RERG: variants seen among roughly 807,000 people sequenced by gnomAD.
RERG encodes RAS like estrogen regulated growth inhibitor.
In RERG, 25 loss-of-function variants were observed where a neutral mutation model predicts 23.2. The observed-to-expected ratio is 1.08, with a 90% CI of 0.79 to 1.50. The LOEUF is 1.50. Among genes scored for constraint, RERG ranks in the 40% most tolerant of loss-of-function variants. RERG has a pLI of 0.00. For synonymous variants in RERG, 81 were observed against 89.1 expected (o/e 0.91, Z 0.51); for missense variants, 253 against 250.1 (o/e 1.01, Z -0.08).
At chr12:15,192,409 A>G (rs1307046756) in intron 2 of RERG, among the ~76,000 whole-genome samples, 1 of 152,314 alleles carries the variant, frequency 6.6e-6, no homozygotes, top group African/African-American at 2.4e-5. Flanking sequence ...ATAGCCTAAC[A>G]CAACACCTTA....
At chr12:15,199,783 G>C (rs982375346) in intron 2 of RERG, among the ~76,000 whole-genome samples, 22 of 152,134 alleles carry the variant, frequency 1.4e-4, no homozygotes, top group Non-Finnish European at 1.3e-4. Flanking sequence ...TAGTGCCTTA[G>C]AAGTTTCGTT....
intron 2 of RERG, among the ~76,000 whole-genome samples, chr12:15,206,743 T>C (rs1865297025): frequency 6.6e-6 from 1 of 152,166 alleles, no homozygotes; most frequent in Admixed American, 6.6e-5. Context: ...GCAGCAGTGC[T>C]AAATCACATA....
chr12:15,177,278 C>T (rs1362744384), intron 2 of RERG, among the ~76,000 whole-genome samples: 10 of 152,124 alleles, frequency 6.6e-5, no homozygotes, highest in Admixed American at 6.5e-4. Flanking sequence ...CATGGCAAAA[C>T]CCTGTCTCTA....
chr12:15,195,059 G>T (rs1377096420), intron 2 of RERG, among the ~76,000 whole-genome samples: 1 of 152,090 alleles, frequency 6.6e-6, no homozygotes, highest in Admixed American at 6.6e-5. Context: ...TACCCAGAAA[G>T]CTAGAGAGCT....
At chr12:15,137,493 G>A (rs984153659) in intron 2 of RERG, among the ~76,000 whole-genome samples, 6 of 150,894 alleles carry the variant, frequency 4.0e-5, no homozygotes, top group South Asian at 4.2e-4. Flanking sequence ...TTTTACCTGC[G>A]CATTTTATTT....
intron 2 of RERG, among the ~76,000 whole-genome samples, chr12:15,178,837 G>A (rs1277484872): frequency 6.6e-6 from 1 of 152,058 alleles, no homozygotes; most frequent in African/African-American, 2.4e-5. Flanking sequence ...GATTACCCCT[G>A]TCAATATAAA....
chr12:15,122,801 T>G (rs4764167), intron 2 of RERG, among the ~76,000 whole-genome samples: 2 of 147,896 alleles, frequency 1.4e-5, no homozygotes, highest in African/African-American at 2.5e-5. Flanking sequence ...TTTTTTTTTG[T>G]TTTTTGTTTT....
chr12:15,111,745 G>A (rs1322894789), intron 3 of RERG, among the ~76,000 whole-genome samples: 1 of 149,248 alleles, frequency 6.7e-6, no homozygotes, highest in Non-Finnish European at 1.5e-5. Flanking sequence ...GTGCAGTGGT[G>A]CAATATCAGC....
chr12:15,148,246 C>G (rs1305644878), intron 2 of RERG, among the ~76,000 whole-genome samples: 1 of 152,030 alleles, frequency 6.6e-6, no homozygotes, highest in Non-Finnish European at 1.5e-5. Flanking sequence ...TACAAGTGAA[C>G]TATAAGTAAT....
At chr12:15,201,548 T>C (rs1431451733) in intron 2 of RERG, among the ~76,000 whole-genome samples, 2 of 149,402 alleles carry the variant, frequency 1.3e-5, no homozygotes, top group Non-Finnish European at 3.0e-5. Context: ...TAATATTAGC[T>C]AATAATAGTA....
chr12:15,201,843 C>T (rs1005856306), intron 2 of RERG, among the ~76,000 whole-genome samples: 4 of 151,626 alleles, frequency 2.6e-5, no homozygotes, highest in African/African-American at 7.2e-5. Context: ...CAGCATGTTA[C>T]AGCAGAGGAG....
intron 2 of RERG, among the ~76,000 whole-genome samples, chr12:15,160,971 C>T (rs1000709042): frequency 5.3e-5 from 8 of 151,838 alleles, no homozygotes; most frequent in African/African-American, 1.7e-4. Context: ...CCCGTCTCTA[C>T]TAAAAATACA....
chr12:15,172,465 T>C (rs6488764), intron 2 of RERG, among the ~76,000 whole-genome samples: 12,779 of 152,176 alleles, frequency 0.084, 618 homozygotes, highest in East Asian at 0.25. Context: ...TGTAGGCATA[T>C]TTTTTCTTTC....
At chr12:15,169,013 TTC>T (rs1864735959) in intron 2 of RERG, among the ~76,000 whole-genome samples, 1 of 152,204 alleles carries the variant, frequency 6.6e-6, no homozygotes, top group African/African-American at 2.4e-5. Flanking sequence ...TGTTTTGTTT[TTC>T]TGTTTTAATG....
chr12:15,173,749 GTT>G (rs1218003787), intron 2 of RERG, among the ~76,000 whole-genome samples: 1 of 151,452 alleles, frequency 6.6e-6, no homozygotes, highest in Non-Finnish European at 1.5e-5. Context: ...TAATAAAATT[GTT>G]TTCTTAATTT....
At chr12:15,109,995 C>G (rs925532454) in intron 4 of RERG, among the ~76,000 whole-genome samples, 3 of 152,074 alleles carry the variant, frequency 2.0e-5, no homozygotes, top group African/African-American at 4.8e-5. Context: ...TTAATTTTCT[C>G]TTTCTTCAGA....
chr12:15,205,459 G>A (rs766010950), intron 2 of RERG, among the ~76,000 whole-genome samples: 1 of 151,960 alleles, frequency 6.6e-6, no homozygotes, highest in Non-Finnish European at 1.5e-5. Context: ...TTCAAGATAC[G>A]AAATATTTGA....
intron 2 of RERG, among the ~76,000 whole-genome samples, chr12:15,133,146 G>GAGATATAT (rs765946906): frequency 8.0e-6 from 1 of 125,214 alleles, no homozygotes; most frequent in Admixed American, 8.0e-5. Flanking sequence ...ATCCTGTGGA[G>GAGATATAT]ATATATATAT....
chr12:15,112,408 A>G (rs1296547002), intron 3 of RERG: 1 of 152,250 alleles, frequency 6.6e-6, no homozygotes, highest in Non-Finnish European at 1.5e-5. Context: ...TCAAAGCAGA[A>G]AAATGGCAGA....
Sources: allele counts gnomAD v4.1 joint callset (sites outside exome capture counted in the v4.1 genomes callset), GRCh38; gene constraint gnomAD v4.1.1; transcripts MANE v1.5; gene names NCBI Gene and HGNC (gene_info 2026-07-23, HGNC 2026-07-21).